The following PPP1R7 variants were observed in gnomAD, a reference collection of about 807,000 sequenced individuals.
PPP1R7 encodes the protein protein phosphatase 1 regulatory subunit 22.
A neutral mutation model predicts 45.2 loss-of-function variants in PPP1R7; 18 were observed. The ratio of observed to expected loss-of-function variants is 0.40; its 90% CI spans 0.28 to 0.59. The LOEUF (loss-of-function observed/expected upper bound fraction) is 0.59. Among genes scored for constraint, PPP1R7 ranks in the 20% least tolerant of loss-of-function variants. The pLI, the probability that PPP1R7 is intolerant of heterozygous loss-of-function variation, is 0.46. For missense variants in PPP1R7, 314 were observed against 455.8 expected, an observed-to-expected ratio of 0.69 and a Z score of 2.83; for synonymous variants, 181 against 183.4, an observed-to-expected ratio of 0.99 and a Z score of 0.11.
In PPP1R7 at chr2:241,159,210, C is replaced by T. The variant is rs1559419170; in HGVS notation, c.304-3C>T. The T allele has an allele frequency of 5.6e-6, 9 of 1,613,084 alleles. No individual in the cohort carries two copies. Among genetic ancestry groups the T allele is most frequent in the Non-Finnish European group, 5.9e-6 (7 of 1,179,372 alleles). On this transcript the variant is annotated splice_polypyrimidine_tract_variant and splice_region_variant and intron_variant, in intron 4 of 9. Coordinates refer to ENST00000234038, the MANE Select transcript of PPP1R7 (RefSeq NM_002712.3). ...GTCAATTGTCCCTTTTCCCATCCCC[C>T]AGACTCTCTGCCTCCGCCAAAATTT...
At chr2:241,179,574 T>C (rs1032719553) in intron 9 of PPP1R7, among the ~76,000 whole-genome samples, 4 of 152,180 alleles carry the variant, frequency 2.6e-5, no homozygotes, top group African/African-American at 9.6e-5. Context: ...GAGAAGGACA[T>C]GGGAGGTGCT....
intron 1 of PPP1R7, 98 bp downstream of exon 1, chr2:241,150,645 C>T (rs1373797997): frequency 3.7e-6 from 5 of 1,342,930 alleles, no homozygotes; most frequent in African/African-American, 1.5e-5. Flanking sequence ...CACGTCCTGC[C>T]TCTGGCCGCC....
intron 8 of PPP1R7, chr2:241,167,051 G>A (rs768445312): frequency 3.3e-5 from 53 of 1,612,434 alleles, no homozygotes; most frequent in Non-Finnish European, 4.5e-5. Flanking sequence ...TCAGGTGCAG[G>A]ACAGCCTCAC....
chr2:241,150,100 C>T, upstream of PPP1R7: 1 of 1,265,344 alleles, frequency 7.9e-7, no homozygotes, highest in South Asian at 2.2e-5. Flanking sequence ...GAAAGATCCG[C>T]CTGGCCCGCG....
chr2:241,169,375 C>T (rs1207238862), intron 8 of PPP1R7, among the ~76,000 whole-genome samples: 1 of 152,236 alleles, frequency 6.6e-6, no homozygotes, highest in Non-Finnish European at 1.5e-5. Context: ...CTTGGTCGTA[C>T]ATTTCCTCGT....
intron 7 of PPP1R7, among the ~76,000 whole-genome samples, chr2:241,166,072 T>A (rs1318469714): frequency 7.1e-6 from 1 of 140,710 alleles, no homozygotes; most frequent in Non-Finnish European, 1.6e-5. Context: ...CTGGCTAATT[T>A]TTTGTATTTT....
At chr2:241,181,246 C>A (rs984449566) in intron 9 of PPP1R7, among the ~76,000 whole-genome samples, 2 of 152,048 alleles carry the variant, frequency 1.3e-5, no homozygotes, top group African/African-American at 4.8e-5. Context: ...GTGAGATGCA[C>A]GTTATATTCC....
intron 9 of PPP1R7, among the ~76,000 whole-genome samples, chr2:241,175,230 T>C (rs1002788940): frequency 2.0e-5 from 3 of 152,064 alleles, no homozygotes; most frequent in Admixed American, 2.0e-4. Flanking sequence ...GTACAGTGAG[T>C]GGTATTCAGC....
chr2:241,160,629 G>A (rs2067565883), intron 6 of PPP1R7, 135 bp downstream of exon 6: 1 of 841,100 alleles, frequency 1.2e-6, no homozygotes, highest in Non-Finnish European at 1.7e-6. Flanking sequence ...CATGAACAAG[G>A]AAATTACTAT....
chr2:241,153,647 A>C (rs770402355), intron 2 of PPP1R7, 43 bp downstream of exon 2: 30 of 1,606,666 alleles, frequency 1.9e-5, no homozygotes, highest in Non-Finnish European at 2.4e-5. Context: ...TGGTTGGGGG[A>C]TGTGGGCTGT....
intron 9 of PPP1R7, among the ~76,000 whole-genome samples, chr2:241,178,228 G>T (rs2149071557): frequency 6.6e-6 from 1 of 152,342 alleles, no homozygotes; most frequent in South Asian, 2.1e-4. Flanking sequence ...TCTAGTGATG[G>T]CCATTTCATT....
At chr2:241,154,166 G>A (rs1248192163) in intron 2 of PPP1R7, among the ~76,000 whole-genome samples, 1 of 126,956 alleles carries the variant, frequency 7.9e-6, no homozygotes, top group East Asian at 2.2e-4. Context: ...GGTGACAGAG[G>A]GATACTCCTT....
chr2:241,179,624 G>A (rs1024154039), intron 9 of PPP1R7, among the ~76,000 whole-genome samples: 2 of 152,208 alleles, frequency 1.3e-5, no homozygotes, highest in Non-Finnish European at 2.9e-5. Context: ...CTGGGGGAAA[G>A]GAATGTGCCC....
chr2:241,159,179 G>A, intron 4 of PPP1R7, 34 bp from the exon 5 acceptor site: 1 of 1,609,216 alleles, frequency 6.2e-7, no homozygotes, highest in Non-Finnish European at 8.5e-7. Flanking sequence ...CCTCCCCCTT[G>A]CCTGTGTCAA....
chr2:241,180,388 TA>T (rs58267372), intron 9 of PPP1R7, among the ~76,000 whole-genome samples: 38 of 99,998 alleles, frequency 3.8e-4, no homozygotes, highest in East Asian at 1.8e-3. Context: ...GCTGGTGAGC[TA>T]AAAAAAAAAA....
intron 9 of PPP1R7, among the ~76,000 whole-genome samples, chr2:241,181,816 G>T (rs534636665): frequency 1.3e-5 from 2 of 152,290 alleles, no homozygotes; most frequent in South Asian, 4.1e-4. Flanking sequence ...AGCAGTGCCC[G>T]TGCTCTTGCC....
chr2:241,174,169 C>T (rs1434598543), intron 9 of PPP1R7, among the ~76,000 whole-genome samples: 7 of 152,110 alleles, frequency 4.6e-5, no homozygotes, highest in Admixed American at 2.6e-4. Flanking sequence ...TAGTCTACTC[C>T]GTAAGATTAA....
intron 1 of PPP1R7, among the ~76,000 whole-genome samples, chr2:241,152,217 A>G (rs907337674): frequency 2.0e-5 from 3 of 152,266 alleles, no homozygotes; most frequent in Non-Finnish European, 4.4e-5. Context: ...CATAGGTGCT[A>G]TACTAGCTCC....
intron 9 of PPP1R7, among the ~76,000 whole-genome samples, chr2:241,180,439 T>C (rs948373906): frequency 1.5e-5 from 2 of 136,146 alleles, no homozygotes; most frequent in African/African-American, 5.7e-5. Flanking sequence ...AATCTCAAAA[T>C]GTTTTTAAGC....
Sources: gnomAD v4.1 joint callset for allele counts (sites outside exome capture counted in the v4.1 genomes callset) on GRCh38, gnomAD v4.1.1 for gene constraint, MANE v1.5 for transcripts, NCBI Gene and HGNC (gene_info 2026-07-23, HGNC 2026-07-21) for gene names.